The following XRRA1 variants were observed in gnomAD, a reference collection of about 807,000 sequenced individuals.
XRRA1 encodes X-ray radiation resistance associated 1.
XRRA1 carries 69 observed loss-of-function variants against 80.2 expected under a neutral mutation model. That is an observed-to-expected ratio of 0.86 (90% CI 0.71 to 1.05). The LOEUF (loss-of-function observed/expected upper bound fraction) is 1.05, where lower values mean the gene tolerates loss of function less well. Among genes scored for constraint, XRRA1 ranks in the 50% least tolerant of loss-of-function variants. XRRA1 has a pLI of 0.00. For synonymous variants in XRRA1, 348 were observed against 389.9 expected, an observed-to-expected ratio of 0.89 and a Z score of 1.27; for missense variants, 967 against 976.4, an observed-to-expected ratio of 0.99 and a Z score of 0.13.
At chr11:74,858,858 C>T (rs564900037) in intron 12 of XRRA1, among the ~76,000 whole-genome samples, 31 of 152,302 alleles carry the variant, frequency 2.0e-4, no homozygotes, top group African/African-American at 4.3e-4. Context: ...GTCTTCCTGT[C>T]TTCCTTATAG....
chr11:74,921,541 T>A (rs1307691742), intron 7 of XRRA1, among the ~76,000 whole-genome samples, 194 bp from the exon 8 acceptor site: 1 of 152,140 alleles, frequency 6.6e-6, no homozygotes, highest in African/African-American at 2.4e-5. Flanking sequence ...CCACTACAAA[T>A]CTTTGTTTAT....
At position 74,848,247 on chromosome 11, in the gene XRRA1, A is replaced by G; in HGVS notation, c.1596T>C (p.Pro532=). ...GCACAGTGGAGTTGGAGCAGATGGG[A>G]GGCAGTGGCACGAAGGTCCGGCAAG... is the stretch of plus-strand genomic sequence containing the variant. The part of the protein sequence containing the change: ...SPSCRTFVPL[P]PICSNSTVHS... The change falls in exon 15 of 19, where the codon CCT becomes CCC. Residue 532 remains proline (P), a synonymous_variant. Transcript: ENST00000684022. The G allele has an allele frequency of 6.2e-7, 1 of 1,613,590 alleles. No individual in the cohort carries two copies. Among genetic ancestry groups the G allele is most frequent in the Non-Finnish European group, 8.5e-7 (1 of 1,179,772 alleles).
intron 2 of XRRA1, among the ~76,000 whole-genome samples, chr11:74,944,709 T>C (rs970589397): frequency 1.3e-5 from 2 of 152,198 alleles, no homozygotes; most frequent in East Asian, 1.9e-4. Context: ...CTTATTCACC[T>C]GTGTAATCCC....
At chr11:74,875,986 C>T (rs906565265) in intron 10 of XRRA1, among the ~76,000 whole-genome samples, 1 of 152,238 alleles carries the variant, frequency 6.6e-6, no homozygotes, top group African/African-American at 2.4e-5. Flanking sequence ...AGAAGAAGGA[C>T]ATCCAATACA....
chr11:74,858,360 C>T (rs993236921), intron 12 of XRRA1, among the ~76,000 whole-genome samples: 8 of 152,078 alleles, frequency 5.3e-5, no homozygotes, highest in Non-Finnish European at 7.4e-5. Context: ...AGAATGAAGC[C>T]GATGCCTGTC....
chr11:74,927,487 C>G lies in XRRA1; in HGVS notation c.426G>C (p.Glu142Asp). ...TTAGGGCTGGAAACGTGTGAAATGC[C>G]TCTACATGGGGAAGAGAAAGAGAGA... is the stretch of plus-strand genomic sequence containing the variant. ...INASENLLPL[E>D]AFHTFPALKE... is the part of the protein sequence containing the mutation. Residue 142 changes from glutamate (E) to aspartate (D), a missense_variant and splice_region_variant, in exon 7 of 19, where the codon GAG becomes GAC. Glu to Asp is a conservative substitution (Grantham distance 45). Coordinates refer to ENST00000684022, the MANE Select transcript of XRRA1 (RefSeq NM_001378157.1). The G allele has an allele frequency of 6.2e-7, 1 of 1,603,348 alleles. No homozygotes were observed. The highest frequency in any genetic ancestry group is 8.5e-7 in the Non-Finnish European group (1 of 1,170,412).
chr11:74,936,290 C>A (rs975842731), intron 4 of XRRA1, among the ~76,000 whole-genome samples: 24 of 152,252 alleles, frequency 1.6e-4, no homozygotes, highest in African/African-American at 5.3e-4. Flanking sequence ...CTGCCCCCGG[C>A]ACTAAGTAAT....
At chr11:74,906,166 C>G in intron 10 of XRRA1, 73 bp downstream of exon 10, 1 of 1,405,430 alleles carries the variant, frequency 7.1e-7, no homozygotes, top group Non-Finnish European at 9.8e-7. Flanking sequence ...CCAAGTGAGA[C>G]TTTCAGAATA....
At chr11:74,930,189 A>T (rs982151307) in intron 6 of XRRA1, 111 bp downstream of exon 6, 10 of 940,806 alleles carry the variant, frequency 1.1e-5, no homozygotes, top group Middle Eastern at 2.2e-4. Context: ...TGTACTCCAA[A>T]AAAGAGATGT....
chr11:74,843,539 T>A (rs2037002721), intron 18 of XRRA1, 86 bp from the exon 19 acceptor site: 1 of 1,503,846 alleles, frequency 6.6e-7, no homozygotes, highest in African/African-American at 1.4e-5. Context: ...CAGAGACCCT[T>A]GGAAAATGGG....
intron 10 of XRRA1, among the ~76,000 whole-genome samples, chr11:74,894,732 G>A (rs1429001385): frequency 6.6e-6 from 1 of 152,050 alleles, no homozygotes; most frequent in Non-Finnish European, 1.5e-5. Context: ...AGATTTGAGT[G>A]GAGACACAGC....
At chr11:74,892,317 T>G (rs984352278) in intron 10 of XRRA1, among the ~76,000 whole-genome samples, 2 of 152,232 alleles carry the variant, frequency 1.3e-5, no homozygotes, top group Non-Finnish European at 2.9e-5. Flanking sequence ...TGATTCCCTA[T>G]TTAATAAGTG....
At position 74,881,110 on chromosome 11, in the gene XRRA1, GGT is replaced by G. The variant is rs1370198731; in HGVS notation, c.1004-18091_1004-18090del. ...GTGTGGGAGTCTAAGTCTCTTTGTA[GGT>G]CACTCAGGACTTGCTTTATGAATCT... is the stretch of plus-strand genomic sequence containing the variant. On this transcript the variant is annotated intron_variant, in intron 10 of 18. Coordinates refer to ENST00000684022, the MANE Select transcript of XRRA1 (RefSeq NM_001378157.1). 8.2e-3 allele frequency among the ~76,000 whole-genome samples: 1,203 copies of G among 146,348 alleles called. 6 individuals are homozygous for G. The highest frequency in any genetic ancestry group is 0.012 in the Non-Finnish European group (798 of 66,080).
At chr11:74,938,276 C>T (rs947862729) in intron 3 of XRRA1, among the ~76,000 whole-genome samples, 3 of 152,140 alleles carry the variant, frequency 2.0e-5, no homozygotes, top group Non-Finnish European at 4.4e-5. Context: ...TTTCCCATTT[C>T]CATTATGGGC....
intron 11 of XRRA1, among the ~76,000 whole-genome samples, chr11:74,861,818 T>C (rs2042372328): frequency 6.6e-6 from 1 of 152,136 alleles, no homozygotes; most frequent in African/African-American, 2.4e-5. Flanking sequence ...CCTGAGTGGG[T>C]TGTGGAAACT....
chr11:74,902,923 T>C (rs1234126216), intron 10 of XRRA1, among the ~76,000 whole-genome samples: 1 of 152,180 alleles, frequency 6.6e-6, no homozygotes, highest in Non-Finnish European at 1.5e-5. Flanking sequence ...TAAAAGAGTA[T>C]ATTACATGCC....
intron 12 of XRRA1, among the ~76,000 whole-genome samples, chr11:74,853,550 A>T (rs1488502255): frequency 2.0e-5 from 3 of 152,208 alleles, no homozygotes; most frequent in African/African-American, 4.8e-5. Flanking sequence ...CCAGTTGAGT[A>T]GTGTTAAGAC....
chr11:74,856,830 AG>A (rs2041215121), intron 12 of XRRA1, among the ~76,000 whole-genome samples: 8 of 152,154 alleles, frequency 5.3e-5, no homozygotes, highest in Admixed American at 5.2e-4. Flanking sequence ...TCAGTTGCTG[AG>A]GAAGATCAGC....
chr11:74,849,437 T>C (rs758305224), intron 14 of XRRA1, among the ~76,000 whole-genome samples: 3 of 152,164 alleles, frequency 2.0e-5, no homozygotes, highest in Non-Finnish European at 4.4e-5. Flanking sequence ...TTTTGGAAAA[T>C]ATGTGGAACC....
Sources: gnomAD v4.1 joint callset for allele counts (sites outside exome capture counted in the v4.1 genomes callset) on GRCh38, gnomAD v4.1.1 for gene constraint, MANE v1.5 for transcripts, NCBI Gene and HGNC (gene_info 2026-07-23, HGNC 2026-07-21) for gene names.